Variants in RFX7 observed in about 807,000 individuals in gnomAD.
RFX7 encodes the protein regulatory factor X7.
In RFX7, 26 loss-of-function variants were observed where a neutral mutation model predicts 111.8. That is an observed-to-expected ratio of 0.23 (90% CI 0.17 to 0.32). The LOEUF (loss-of-function observed/expected upper bound fraction) is 0.32, where lower values mean the gene tolerates loss of function less well. Ranked by LOEUF, RFX7 falls within the 10% of genes least tolerant of loss-of-function variation. The pLI, the probability that RFX7 is intolerant of heterozygous loss-of-function variation, is 1.00. For missense variants in RFX7, 1,573 were observed against 1,772.9 expected (o/e 0.89, Z 2.02); for synonymous variants, 624 against 624.4 (o/e 1.00, Z 0.01).
In RFX7 at chr15:56,112,433, G is replaced by A. The variant is rs2041952668; in HGVS notation, c.402-8763C>T. ...ACAAACCTATTTAAGAAATCGTACT[G>A]GGAAAACTCGCTAGCCATATGCAGA... On this transcript the variant is annotated intron_variant, in intron 5 of 9. Transcript: ENST00000559447. Among the ~76,000 whole-genome samples, 4 of 147,106 alleles carry A rather than the reference G, an allele frequency of 2.7e-5. No individual in the cohort carries two copies. The South Asian group carries it at 6.4e-4, about 23-fold the overall frequency.
intron 5 of RFX7, among the ~76,000 whole-genome samples, chr15:56,123,225 G>C (rs955654911): frequency 3.9e-5 from 6 of 152,028 alleles, no homozygotes; most frequent in Non-Finnish European, 7.4e-5. Flanking sequence ...TGTACTACCT[G>C]GTTACCACTG....
intron 3 of RFX7, among the ~76,000 whole-genome samples, chr15:56,167,358 AC>A (rs2042795509): frequency 6.6e-6 from 1 of 152,124 alleles, no homozygotes; most frequent in African/African-American, 2.4e-5. Flanking sequence ...CCCTAACTAT[AC>A]CTCTCCGATA....
At chr15:56,115,942 CAA>C (rs35440094) in intron 5 of RFX7, among the ~76,000 whole-genome samples, 39 of 99,996 alleles carry the variant, frequency 3.9e-4, no homozygotes, top group East Asian at 2.5e-3. Context: ...GACTCCGTCT[CAA>C]AAAAAAAAAA....
At chr15:56,157,686 T>C (rs1205721379) in intron 3 of RFX7, among the ~76,000 whole-genome samples, 1 of 152,220 alleles carries the variant, frequency 6.6e-6, no homozygotes, top group Non-Finnish European at 1.5e-5. Flanking sequence ...GTTCAAGCAT[T>C]CTCCTGCCTC....
intron 5 of RFX7, among the ~76,000 whole-genome samples, chr15:56,107,756 C>T (rs568976238): frequency 1.3e-5 from 2 of 152,146 alleles, no homozygotes; most frequent in South Asian, 2.1e-4. Flanking sequence ...TATAAGCATA[C>T]TGAATGAATA....
intron 3 of RFX7, among the ~76,000 whole-genome samples, chr15:56,152,494 T>C (rs1300092153): frequency 1.3e-5 from 2 of 152,172 alleles, no homozygotes; most frequent in African/African-American, 2.4e-5. Flanking sequence ...AAAGATGTTC[T>C]TTGAAACCAA....
intron 5 of RFX7, among the ~76,000 whole-genome samples, chr15:56,119,352 T>C (rs1393806594): frequency 1.3e-5 from 2 of 152,240 alleles, no homozygotes; most frequent in African/African-American, 4.8e-5. Context: ...CACTTTGATA[T>C]CATTTTAGTA....
chr15:56,124,256 A>G (rs1189968298), intron 5 of RFX7, among the ~76,000 whole-genome samples: 2 of 152,082 alleles, frequency 1.3e-5, no homozygotes, highest in Non-Finnish European at 2.9e-5. Flanking sequence ...CCCTGCCTCT[A>G]CTAAAAATAC....
chr15:56,121,878 A>T (rs2042083472), intron 5 of RFX7, among the ~76,000 whole-genome samples: 1 of 152,100 alleles, frequency 6.6e-6, no homozygotes, highest in Admixed American at 6.5e-5. Context: ...AAAATTATTC[A>T]ATCTCTGTTA....
intron 2 of RFX7, among the ~76,000 whole-genome samples, chr15:56,188,327 C>A (rs188921323): frequency 7.9e-5 from 12 of 152,114 alleles, no homozygotes; most frequent in Admixed American, 7.9e-4. Flanking sequence ...ATCAAGTGGT[C>A]TAACTATGTA....
At chr15:56,110,786 A>G (rs1177074050) in intron 5 of RFX7, among the ~76,000 whole-genome samples, 1 of 1,810 alleles carries the variant, frequency 5.5e-4, no homozygotes, top group African/African-American at 5.8e-4. Context: ...TCAGCCCCCC[A>G]CCCGGCCAGC....
At chr15:56,176,626 AAC>A (rs1482187439) in intron 3 of RFX7, among the ~76,000 whole-genome samples, 1 of 152,196 alleles carries the variant, frequency 6.6e-6, no homozygotes, top group African/African-American at 2.4e-5. Flanking sequence ...TTCATAGATA[AAC>A]ACAGACTGAG....
chr15:56,229,838 C>T (rs538784463), intron 2 of RFX7, among the ~76,000 whole-genome samples: 35 of 151,856 alleles, frequency 2.3e-4, no homozygotes, highest in African/African-American at 8.0e-4. Context: ...CTGCCCCCCA[C>T]CCAAAAAGGA....
chr15:56,217,146 ACATT>A (rs1438162373), intron 2 of RFX7, among the ~76,000 whole-genome samples: 2 of 152,352 alleles, frequency 1.3e-5, no homozygotes, highest in African/African-American at 4.8e-5. Context: ...GTACTATAAT[ACATT>A]CATTTTGCTG....
intron 3 of RFX7, among the ~76,000 whole-genome samples, chr15:56,164,761 C>A (rs1162011175): frequency 6.6e-6 from 1 of 152,070 alleles, no homozygotes; most frequent in African/African-American, 2.4e-5. Flanking sequence ...CTCATGTGTG[C>A]CCAGAAAGTT....
intron 2 of RFX7, among the ~76,000 whole-genome samples, chr15:56,215,615 T>C (rs1284476564): frequency 1.3e-5 from 2 of 152,238 alleles, no homozygotes; most frequent in Non-Finnish European, 2.9e-5. Context: ...TTAGATTTTC[T>C]GTTCCTATGT....
chr15:56,127,627 A>G (rs1363858386), intron 5 of RFX7, among the ~76,000 whole-genome samples: 1 of 150,338 alleles, frequency 6.7e-6, no homozygotes, highest in African/African-American at 2.5e-5. Context: ...GACTCACTGC[A>G]AGCTCCACCT....
At chr15:56,126,462 G>A (rs1595945862) in intron 5 of RFX7, among the ~76,000 whole-genome samples, 1 of 152,072 alleles carries the variant, frequency 6.6e-6, no homozygotes, top group Non-Finnish European at 1.5e-5. Context: ...CTTGTGTGGT[G>A]GATTCCCTGA....
intron 5 of RFX7, among the ~76,000 whole-genome samples, chr15:56,139,252 C>T (rs1196164436): frequency 1.3e-5 from 2 of 150,842 alleles, no homozygotes; most frequent in African/African-American, 2.4e-5. Context: ...TTCAGGTACA[C>T]CAATCAGACG....
Sources: allele counts gnomAD v4.1 joint callset (sites outside exome capture counted in the v4.1 genomes callset), GRCh38; gene constraint gnomAD v4.1.1; transcripts MANE v1.5; gene names NCBI Gene and HGNC (gene_info 2026-07-23, HGNC 2026-07-21).